OLFM3: variants seen among roughly 807,000 people sequenced by gnomAD.
OLFM3 encodes olfactomedin 3.
Under a neutral mutation model 48.6 loss-of-function variants are expected in OLFM3, and 20 were observed. The observed-to-expected ratio is 0.41, with a 90% CI of 0.29 to 0.60. The LOEUF is 0.60. OLFM3 is among the 20% of genes least tolerant of loss of function. The probability of loss-of-function intolerance (pLI) is 0.28; values close to 1 mark genes in which losing one functional copy is unlikely to be tolerated. For synonymous variants in OLFM3, 222 were observed against 198.1 expected (o/e 1.12, Z -1.01); for missense variants, 437 against 544.3 (o/e 0.80, Z 1.96).
intron 1 of OLFM3, among the ~76,000 whole-genome samples, chr1:101,939,622 T>C (rs1278025417): frequency 6.6e-6 from 1 of 152,122 alleles, no homozygotes; most frequent in Non-Finnish European, 1.5e-5. Flanking sequence ...GAATTGAAAG[T>C]CTATCATATG....
chr1:101,823,699 TAGAG>T (rs1332316141), intron 4 of OLFM3, among the ~76,000 whole-genome samples: 5 of 152,130 alleles, frequency 3.3e-5, no homozygotes, highest in Non-Finnish European at 4.4e-5. Context: ...TACAATGAGT[TAGAG>T]AGGAATGAAA....
At chr1:101,907,622 A>T (rs1437645512) in intron 1 of OLFM3, among the ~76,000 whole-genome samples, 1 of 152,260 alleles carries the variant, frequency 6.6e-6, no homozygotes, top group Non-Finnish European at 1.5e-5. Flanking sequence ...GTAAATATTC[A>T]TTTTAAAGTT....
chr1:101,823,647 T>C (rs1654713340), intron 4 of OLFM3, among the ~76,000 whole-genome samples: 1 of 151,954 alleles, frequency 6.6e-6, no homozygotes, highest in Non-Finnish European at 1.5e-5. Flanking sequence ...AGCAAAATAA[T>C]TTCAGATTGA....
At position 101,849,902 on chromosome 1, in the gene OLFM3, T is replaced by A. The variant is rs146803178; in HGVS notation, c.70-12877A>T. ...GAAGATAGAATTTATTGTCAGCTGA[T>A]ATGCATTACCTGTAGTACAGAGGGT... On this transcript the variant is annotated intron_variant, in intron 1 of 5. Coordinates refer to ENST00000370103, the MANE Select transcript of OLFM3 (RefSeq NM_058170.4). 2.6e-5 allele frequency among the ~76,000 whole-genome samples: 4 copies of A among 152,290 alleles called. No individual in the cohort carries two copies. In the East Asian group the frequency reaches 7.7e-4, roughly 29 times the overall value.
In OLFM3 at chr1:101,803,392, A is replaced by G. The variant is rs1653585421; in HGVS notation, c.*846T>C. 6.6e-6 allele frequency: 1 copy of G among 152,106 alleles called. No individual in the cohort carries two copies. Among genetic ancestry groups the G allele is most frequent in the South Asian group, 2.1e-4 (1 of 4,828 alleles). 9.4% of individuals were successfully genotyped at this position (152,106 alleles called of 1,614,324 possible). On this transcript the variant is annotated 3_prime_UTR_variant, in exon 6 of 6. Transcript: ENST00000370103. ...ATGGGTTGCATTCAGTGGAGTGAAC[A>G]GAGTAACTCAGTTGTATGAAATCAG...
At chr1:101,869,356 C>T (rs1656981985) in intron 1 of OLFM3, among the ~76,000 whole-genome samples, 1 of 152,196 alleles carries the variant, frequency 6.6e-6, no homozygotes, top group Admixed American at 6.5e-5. Flanking sequence ...CATTTTGGAA[C>T]TTTCTGGTTT....
At chr1:101,855,250 C>T (rs1442441926) in intron 1 of OLFM3, among the ~76,000 whole-genome samples, 2 of 151,996 alleles carry the variant, frequency 1.3e-5, no homozygotes, top group African/African-American at 2.4e-5. Flanking sequence ...TGTATGAAGT[C>T]GTTTAATCCT....
intron 1 of OLFM3, among the ~76,000 whole-genome samples, chr1:101,864,699 C>T (rs531290854): frequency 6.6e-6 from 1 of 152,240 alleles, no homozygotes; most frequent in South Asian, 2.1e-4. Flanking sequence ...CCAACCAGAA[C>T]AGATCAAGAG....
intron 1 of OLFM3, among the ~76,000 whole-genome samples, chr1:101,866,234 G>C (rs1656850536): frequency 6.6e-6 from 1 of 151,964 alleles, no homozygotes. Context: ...TTGCTGTATT[G>C]GAATTAGAAG....
At position 101,817,099 on chromosome 1, in the gene OLFM3, TAA is replaced by T. The variant is rs568875933; in HGVS notation, c.592+7925_592+7926del. 1.7e-3 allele frequency among the ~76,000 whole-genome samples: 260 copies of T among 152,246 alleles called. 1 individual carries two copies. The highest frequency in any genetic ancestry group is 5.8e-3 in the African/African-American group (241 of 41,558). On this transcript the variant is annotated intron_variant, in intron 4 of 5. Coordinates refer to ENST00000370103, the MANE Select transcript of OLFM3 (RefSeq NM_058170.4). ...AAATGTGGTAAAATAAAATAAACAATAAGAGTCATTTTTTACTTCTCAGCTTC... is the reference window on the plus strand; with the variant it reads ...AAATGTGGTAAAATAAAATAAACAATGAGTCATTTTTTACTTCTCAGCTTC...
At chr1:101,830,134 G>A (rs945599396) in intron 3 of OLFM3, among the ~76,000 whole-genome samples, 1 of 152,032 alleles carries the variant, frequency 6.6e-6, no homozygotes, top group South Asian at 2.1e-4. Context: ...CACCACGCCC[G>A]GCCGAGTTTT....
intron 1 of OLFM3, among the ~76,000 whole-genome samples, chr1:101,925,064 C>T (rs1383057598): frequency 6.6e-6 from 1 of 152,054 alleles, no homozygotes; most frequent in Non-Finnish European, 1.5e-5. Context: ...TGAGTAGATG[C>T]ATTTCTCATG....
chr1:101,978,336 A>C (rs1348670447), intron 1 of OLFM3, among the ~76,000 whole-genome samples: 1 of 152,142 alleles, frequency 6.6e-6, no homozygotes, highest in African/African-American at 2.4e-5. Context: ...TACGGAAAAG[A>C]AAAGGTATGA....
At chr1:101,870,956 AAAAAAAAG>A (rs949572545) in intron 1 of OLFM3, among the ~76,000 whole-genome samples, 1 of 151,900 alleles carries the variant, frequency 6.6e-6, no homozygotes, top group African/African-American at 2.4e-5. Flanking sequence ...TTTAAAAAGA[AAAAAAAAG>A]AAAAAAAGAA....
intron 1 of OLFM3, among the ~76,000 whole-genome samples, chr1:101,933,422 A>G (rs955848548): frequency 5.3e-5 from 8 of 152,042 alleles, no homozygotes; most frequent in African/African-American, 1.9e-4. Context: ...AGAAAAATCA[A>G]ACGAAGAAGA....
At chr1:101,856,570 A>G (rs940104750) in intron 1 of OLFM3, among the ~76,000 whole-genome samples, 2 of 152,028 alleles carry the variant, frequency 1.3e-5, no homozygotes, top group African/African-American at 4.8e-5. Flanking sequence ...CTTGTTATTG[A>G]AATCAAATAG....
intron 1 of OLFM3, among the ~76,000 whole-genome samples, chr1:101,892,877 G>A (rs1658057927): frequency 6.6e-6 from 1 of 151,970 alleles, no homozygotes; most frequent in African/African-American, 2.4e-5. Context: ...ACCTATTCAA[G>A]GAACAAAAGC....
At chr1:101,848,181 A>G (rs1351084413) in intron 1 of OLFM3, among the ~76,000 whole-genome samples, 1 of 152,194 alleles carries the variant, frequency 6.6e-6, no homozygotes, top group African/African-American at 2.4e-5. Context: ...TATGTGTTTT[A>G]AAGTAAAAAT....
intron 1 of OLFM3, among the ~76,000 whole-genome samples, chr1:101,841,629 T>A (rs1468833927): frequency 6.6e-6 from 1 of 152,160 alleles, no homozygotes; most frequent in Non-Finnish European, 1.5e-5. Context: ...GGCTCTGCAA[T>A]ATATAGTCAG....
Sources: allele counts gnomAD v4.1 joint callset (sites outside exome capture counted in the v4.1 genomes callset), GRCh38; gene constraint gnomAD v4.1.1; transcripts MANE v1.5; gene names NCBI Gene and HGNC (gene_info 2026-07-23, HGNC 2026-07-21).